The following DCC variants were observed in gnomAD, a reference collection of about 807,000 sequenced individuals.
The protein encoded by DCC is DCC netrin 1 receptor.
In DCC, 58 loss-of-function variants were observed where a neutral mutation model predicts 172.5. The ratio of observed to expected loss-of-function variants is 0.34; its 90% CI spans 0.27 to 0.42. The LOEUF (loss-of-function observed/expected upper bound fraction) is 0.42, where lower values mean the gene tolerates loss of function less well. Among genes scored for constraint, DCC ranks in the 10% least tolerant of loss-of-function variants. The pLI, the probability that DCC is intolerant of heterozygous loss-of-function variation, is 1.00. For missense variants in DCC, 1,740 were observed against 1,791.0 expected (o/e 0.97, Z 0.51); for synonymous variants, 709 against 644.5 (o/e 1.10, Z -1.52).
intron 1 of DCC, among the ~76,000 whole-genome samples, chr18:52,370,937 CA>C (rs752430357): frequency 6.6e-6 from 1 of 152,008 alleles, no homozygotes; most frequent in Non-Finnish European, 1.5e-5. Flanking sequence ...ACAACATTAC[CA>C]GATGGAGATA....
At chr18:52,875,600 G>A (rs2039391941) in intron 2 of DCC, among the ~76,000 whole-genome samples, 1 of 152,204 alleles carries the variant, frequency 6.6e-6, no homozygotes, top group African/African-American at 2.4e-5. Context: ...TATTCATGCT[G>A]TTATTGGTGC....
At chr18:52,536,627 A>G (rs1428915664) in intron 1 of DCC, among the ~76,000 whole-genome samples, 1 of 152,102 alleles carries the variant, frequency 6.6e-6, no homozygotes, top group Non-Finnish European at 1.5e-5. Context: ...AAGGCAAGGC[A>G]AAAGTTGCTA....
chr18:53,262,630 T>C (rs1490687076), intron 12 of DCC, among the ~76,000 whole-genome samples: 1 of 152,240 alleles, frequency 6.6e-6, no homozygotes, highest in Non-Finnish European at 1.5e-5. Context: ...TCTGTTTATA[T>C]AATGAAAAAC....
chr18:53,456,115 G>A (rs2045479900), intron 23 of DCC, among the ~76,000 whole-genome samples: 1 of 152,186 alleles, frequency 6.6e-6, no homozygotes, highest in African/African-American at 2.4e-5. Flanking sequence ...AGAGAGATGA[G>A]GGAAATGATT....
intron 7 of DCC, among the ~76,000 whole-genome samples, chr18:53,153,649 A>C (rs1289270723): frequency 1.8e-4 from 27 of 152,216 alleles, no homozygotes; most frequent in Non-Finnish European, 2.9e-5. Context: ...ATGCTTTTTA[A>C]TATTATGTTA....
chr18:53,346,226 A>G (rs954396888), intron 15 of DCC, among the ~76,000 whole-genome samples: 2 of 152,086 alleles, frequency 1.3e-5, no homozygotes, highest in Admixed American at 6.6e-5. Context: ...AGACTTCTTT[A>G]AAATATTTGA....
intron 27 of DCC, among the ~76,000 whole-genome samples, chr18:53,524,096 T>C (rs1356224041): frequency 6.6e-6 from 1 of 152,090 alleles, no homozygotes; most frequent in Admixed American, 6.6e-5. Context: ...TTAATAACTA[T>C]ATATTGTATA....
At chr18:53,516,700 C>A (rs1382083988) in intron 27 of DCC, among the ~76,000 whole-genome samples, 3 of 150,206 alleles carry the variant, frequency 2.0e-5, no homozygotes. Context: ...TGAAAAAATG[C>A]TTATCATCAC....
intron 2 of DCC, among the ~76,000 whole-genome samples, chr18:52,818,387 C>T (rs114526220): frequency 2.1e-3 from 284 of 137,268 alleles, no homozygotes; most frequent in African/African-American, 7.6e-3. Flanking sequence ...ACTCCAGCCT[C>T]GGCAACAGAA....
intron 1 of DCC, among the ~76,000 whole-genome samples, chr18:52,398,887 C>T (rs1986333737): frequency 6.6e-6 from 1 of 151,776 alleles, no homozygotes; most frequent in South Asian, 2.1e-4. Context: ...ATGGGTGCAC[C>T]AAAATCTCAC....
At chr18:52,489,385 T>C (rs775055858) in intron 1 of DCC, among the ~76,000 whole-genome samples, 1 of 152,138 alleles carries the variant, frequency 6.6e-6, no homozygotes. Context: ...TTTTGCTGCA[T>C]AATGAAGTAT....
rs1006198932 is a variant in DCC, at chr18:52,439,900, T to A, written c.91+99022T>A. ...CACACCTACTATGTACCCACAAAAA[T>A]TAAAAATAAAAAAATGAATAAATGA... On this transcript the variant is annotated intron_variant, in intron 1 of 28. Coordinates refer to ENST00000442544, the MANE Select transcript of DCC (RefSeq NM_005215.4). 2.6e-5 allele frequency among the ~76,000 whole-genome samples: 4 copies of A among 152,056 alleles called. No individual in the cohort carries two copies. The South Asian group carries it at 8.3e-4, about 32-fold the overall frequency.
intron 15 of DCC, among the ~76,000 whole-genome samples, chr18:53,381,331 T>A (rs1907715472): frequency 6.6e-6 from 1 of 152,052 alleles, no homozygotes; most frequent in African/African-American, 2.4e-5. Flanking sequence ...AGCTATAAAT[T>A]AAGCATCTGG....
In DCC at chr18:52,397,571, A is replaced by G. The variant is rs1481868007; in HGVS notation, c.91+56693A>G. Among the ~76,000 whole-genome samples, 4 of 152,002 alleles carry G rather than the reference A, an allele frequency of 2.6e-5. No individual in the cohort carries two copies. In the East Asian group the frequency reaches 7.8e-4, roughly 29 times the overall value. On this transcript the variant is annotated intron_variant, in intron 1 of 28. Transcript: ENST00000442544. ...TGCTGTTGGCCTTTTCTTTCATGTG[A>G]TAAATTGCCATTAGAGTGCTACCCT...
intron 15 of DCC, among the ~76,000 whole-genome samples, chr18:53,378,394 A>C (rs1468900568): frequency 6.6e-6 from 1 of 151,420 alleles, no homozygotes; most frequent in Admixed American, 6.6e-5. Flanking sequence ...GAAGATGTTC[A>C]ATGGCGATTG....
chr18:53,245,152 A>G (rs1378839829), intron 12 of DCC, among the ~76,000 whole-genome samples: 1 of 152,070 alleles, frequency 6.6e-6, no homozygotes, highest in Admixed American at 6.6e-5. Context: ...TTCACCCCCT[A>G]TATTTTTGCA....
intron 1 of DCC, among the ~76,000 whole-genome samples, chr18:52,551,767 C>T (rs1268975440): frequency 2.0e-5 from 3 of 150,940 alleles, no homozygotes; most frequent in Non-Finnish European, 4.4e-5. Context: ...CACACACACA[C>T]ACTTTGCAGC....
intron 14 of DCC, among the ~76,000 whole-genome samples, chr18:53,336,580 G>A (rs958882974): frequency 6.6e-6 from 1 of 152,176 alleles, no homozygotes; most frequent in African/African-American, 2.4e-5. Context: ...GGCTGGGCAT[G>A]TAGACTCACA....
intron 2 of DCC, chr18:52,756,963 A>G (rs2037085772): frequency 6.6e-6 from 1 of 152,148 alleles, no homozygotes; most frequent in African/African-American, 2.4e-5. Flanking sequence ...ATTTTTTTTC[A>G]GGGCAATGAA....
Sources: allele counts gnomAD v4.1 joint callset (sites outside exome capture counted in the v4.1 genomes callset), GRCh38; gene constraint gnomAD v4.1.1; transcripts MANE v1.5; gene names NCBI Gene and HGNC (gene_info 2026-07-23, HGNC 2026-07-21).